TRABD2B: variants seen among roughly 807,000 people sequenced by gnomAD.
The protein encoded by TRABD2B is metalloprotease TIKI2.
TRABD2B carries 14 observed loss-of-function variants against 40.1 expected under a neutral mutation model. That is an observed-to-expected ratio of 0.35 (90% confidence interval 0.23 to 0.55). TRABD2B has a LOEUF of 0.55. Ranked by LOEUF, TRABD2B falls within the 20% of genes least tolerant of loss-of-function variation. TRABD2B has a pLI of 0.90. For missense variants in TRABD2B, 541 were observed against 648.6 expected, an observed-to-expected ratio of 0.83 and a Z score of 1.80; for synonymous variants, 263 against 277.0, an observed-to-expected ratio of 0.95 and a Z score of 0.50.
chr1:47,808,935 T>C (rs1260169622), intron 2 of TRABD2B, among the ~76,000 whole-genome samples: 1 of 152,094 alleles, frequency 6.6e-6, no homozygotes, highest in African/African-American at 2.4e-5. Context: ...TGTGGTGCAC[T>C]GTCAGAGCTG....
chr1:47,929,018 T>C (rs1645005449), intron 2 of TRABD2B, among the ~76,000 whole-genome samples: 1 of 152,262 alleles, frequency 6.6e-6, no homozygotes, highest in African/African-American at 2.4e-5. Context: ...TGGGCACAGA[T>C]GCTTCTTGCC....
intron 6 of TRABD2B, among the ~76,000 whole-genome samples, chr1:47,772,815 GCT>G (rs1644394098): frequency 6.6e-6 from 1 of 152,140 alleles, no homozygotes; most frequent in Non-Finnish European, 1.5e-5. Context: ...CTCAGGGCCT[GCT>G]CCCCTAGAAG....
intron 2 of TRABD2B, among the ~76,000 whole-genome samples, chr1:47,915,008 G>C (rs559464865): frequency 2.6e-5 from 4 of 152,358 alleles, no homozygotes; most frequent in African/African-American, 9.6e-5. Flanking sequence ...CTTCAGTACA[G>C]CGAGACAAAT....
At chr1:47,831,823 C>T (rs917839556) in intron 2 of TRABD2B, among the ~76,000 whole-genome samples, 1 of 152,196 alleles carries the variant, frequency 6.6e-6, no homozygotes, top group Non-Finnish European at 1.5e-5. Context: ...TCTTTCTCCT[C>T]TTGCCAGGCT....
chr1:47,804,932 G>C (rs1043089674), intron 2 of TRABD2B, among the ~76,000 whole-genome samples: 21 of 152,248 alleles, frequency 1.4e-4, no homozygotes, highest in Admixed American at 1.2e-3. Context: ...GCGGGCGCCT[G>C]AAGTCTCACT....
intron 2 of TRABD2B, among the ~76,000 whole-genome samples, chr1:47,815,250 C>A (rs542536357): frequency 9.2e-5 from 14 of 152,208 alleles, no homozygotes; most frequent in Non-Finnish European, 7.3e-5. Context: ...TCTGGATGAG[C>A]ACAGATCTGC....
intron 2 of TRABD2B, 26 bp from the exon 3 acceptor site, chr1:47,801,645 G>A (rs1346291488): frequency 6.5e-7 from 1 of 1,533,884 alleles, no homozygotes; most frequent in South Asian, 1.2e-5. Context: ...AGAGAGGAAT[G>A]AGGGCTGTGC....
chr1:47,984,284 G>A (rs1645885258), intron 2 of TRABD2B, among the ~76,000 whole-genome samples: 2 of 152,250 alleles, frequency 1.3e-5, no homozygotes. Context: ...TGTCCGCAGG[G>A]CTCCGCCTGT....
intron 2 of TRABD2B, among the ~76,000 whole-genome samples, chr1:47,895,272 C>T (rs994164628): frequency 6.6e-6 from 1 of 152,148 alleles, no homozygotes; most frequent in Admixed American, 6.5e-5. Flanking sequence ...AGCCAGGAAG[C>T]CCAGCCCAAC....
intron 4 of TRABD2B, among the ~76,000 whole-genome samples, chr1:47,782,766 G>T (rs1644542751): frequency 6.6e-6 from 1 of 152,162 alleles, no homozygotes; most frequent in South Asian, 2.1e-4. Flanking sequence ...AACCATGCTT[G>T]CCTCCAAGGT....
chr1:47,869,889 G>T (rs1644116443), intron 2 of TRABD2B, among the ~76,000 whole-genome samples: 1 of 152,178 alleles, frequency 6.6e-6, no homozygotes, highest in Non-Finnish European at 1.5e-5. Flanking sequence ...TATGGAAGGG[G>T]TATGAGGGTG....
intron 2 of TRABD2B, among the ~76,000 whole-genome samples, chr1:47,877,759 T>C (rs963761242): frequency 5.3e-5 from 8 of 152,202 alleles, no homozygotes; most frequent in African/African-American, 1.9e-4. Flanking sequence ...TAAAATATTA[T>C]GCAGCTACTG....
intron 3 of TRABD2B, among the ~76,000 whole-genome samples, chr1:47,798,809 C>T (rs1644782388): frequency 6.6e-6 from 1 of 152,212 alleles, no homozygotes; most frequent in Non-Finnish European, 1.5e-5. Flanking sequence ...ATCCTCAGTG[C>T]CCTGCAGACT....
At chr1:47,944,033 C>T (rs572476617) in intron 2 of TRABD2B, among the ~76,000 whole-genome samples, 1 of 152,206 alleles carries the variant, frequency 6.6e-6, no homozygotes, top group African/African-American at 2.4e-5. Flanking sequence ...CTGTCATGAG[C>T]AATAACCAGG....
intron 2 of TRABD2B, among the ~76,000 whole-genome samples, chr1:47,851,204 C>T (rs1391388906): frequency 6.6e-6 from 1 of 152,230 alleles, no homozygotes; most frequent in Non-Finnish European, 1.5e-5. Context: ...CTCCTTGTTT[C>T]AGGCTGTCTT....
At position 47,761,168 on chromosome 1, in the gene TRABD2B, G is replaced by A. The variant is rs1008701774; in HGVS notation, c.*4734C>T. 6.6e-6 allele frequency: 1 copy of A among 152,482 alleles called. No individual in the cohort carries two copies. Among genetic ancestry groups the A allele is most frequent in the Non-Finnish European group, 1.5e-5 (1 of 68,244 alleles). 9.4% of individuals were successfully genotyped at this position (152,482 alleles called of 1,614,324 possible). On this transcript the variant is annotated 3_prime_UTR_variant, in exon 7 of 7. Transcript: ENST00000606738. Reference sequence around the variant, plus strand: ...AGATGAGGAAGTGAAGGCTCAGAGAGGGACAGGAACTTGCCCAAGGTCATC... The same window carrying A: ...AGATGAGGAAGTGAAGGCTCAGAGAAGGACAGGAACTTGCCCAAGGTCATC...
At chr1:47,916,068 A>G (rs772912057) in intron 2 of TRABD2B, among the ~76,000 whole-genome samples, 6 of 149,632 alleles carry the variant, frequency 4.0e-5, no homozygotes, top group Non-Finnish European at 5.9e-5. Context: ...AGACAGCCCT[A>G]AAGGGGACAA....
chr1:47,802,407 G>C (rs1430431186), intron 2 of TRABD2B, among the ~76,000 whole-genome samples: 5 of 152,156 alleles, frequency 3.3e-5, no homozygotes, highest in African/African-American at 1.2e-4. Context: ...GGGACACTGA[G>C]GCCCAGGGAA....
chr1:47,858,456 G>A (rs1466894253), intron 2 of TRABD2B, among the ~76,000 whole-genome samples: 2 of 152,072 alleles, frequency 1.3e-5, no homozygotes, highest in South Asian at 2.1e-4. Flanking sequence ...ACAGGGTCTT[G>A]CTATGTTGCC....
Sources: allele counts gnomAD v4.1 joint callset (sites outside exome capture counted in the v4.1 genomes callset), GRCh38; gene constraint gnomAD v4.1.1; transcripts MANE v1.5; gene names NCBI Gene and HGNC (gene_info 2026-07-23, HGNC 2026-07-21).